Variants in KCNIP1 observed in about 807,000 individuals in gnomAD.
KCNIP1 encodes the protein potassium voltage-gated channel interacting protein 1.
In KCNIP1, 18 loss-of-function variants were observed where a neutral mutation model predicts 33.0. The ratio of observed to expected loss-of-function variants is 0.55; its 90% CI spans 0.38 to 0.81. The LOEUF (loss-of-function observed/expected upper bound fraction) is 0.81, where lower values mean the gene tolerates loss of function less well. Among genes scored for constraint, KCNIP1 ranks in the 30% least tolerant of loss-of-function variants. The probability of loss-of-function intolerance (pLI) is 0.00; values close to 1 mark genes in which losing one functional copy is unlikely to be tolerated. For synonymous variants in KCNIP1, 93 were observed against 98.3 expected, an observed-to-expected ratio of 0.95 and a Z score of 0.32; for missense variants, 238 against 271.6, an observed-to-expected ratio of 0.88 and a Z score of 0.87.
At chr5:170,444,956 A>G (rs1282987151) in intron 1 of KCNIP1, among the ~76,000 whole-genome samples, 2 of 152,236 alleles carry the variant, frequency 1.3e-5, no homozygotes, top group African/African-American at 2.4e-5. Context: ...ACTAATCCTC[A>G]GTCCACACAA....
intron 1 of KCNIP1, among the ~76,000 whole-genome samples, chr5:170,421,584 G>A (rs763213979): frequency 2.6e-5 from 4 of 152,160 alleles, no homozygotes; most frequent in Admixed American, 6.5e-5. Context: ...CCGAGGGGTA[G>A]GGACAAGGCA....
chr5:170,469,815 G>A lies in KCNIP1; in HGVS notation c.88+115851G>A, dbSNP rs116466309. Among the ~76,000 whole-genome samples, 736 of 152,206 alleles carry A rather than the reference G, an allele frequency of 4.8e-3. 7 individuals carry two copies. Among genetic ancestry groups the A allele is most frequent in the African/African-American group, 0.016 (679 of 41,532 alleles). On this transcript the variant is annotated intron_variant, in intron 1 of 7. Coordinates refer to the KCNIP1 transcript ENST00000377360. The stretch of plus-strand genomic sequence containing the variant: ...CTTCCATTGATCTCTCTGTCCTTGG[G>A]TGCAAGTTTTCTGATGACCTGACTT...
intron 1 of KCNIP1, among the ~76,000 whole-genome samples, chr5:170,644,570 AG>A (rs1760711720): frequency 6.6e-6 from 1 of 152,232 alleles, no homozygotes; most frequent in Non-Finnish European, 1.5e-5. Context: ...AGTAAGCTCA[AG>A]ACAAAAATGA....
At chr5:170,421,166 A>C (rs971315651) in intron 1 of KCNIP1, among the ~76,000 whole-genome samples, 8 of 152,216 alleles carry the variant, frequency 5.3e-5, no homozygotes, top group African/African-American at 1.9e-4. Flanking sequence ...ATGTACAGCC[A>C]TGGAGCAAAC....
intron 1 of KCNIP1, among the ~76,000 whole-genome samples, chr5:170,433,028 C>T (rs11948716): frequency 0.032 from 4,805 of 152,168 alleles, 213 homozygotes; most frequent in African/African-American, 0.098. Flanking sequence ...TAGGAGGAGA[C>T]TGGGCAGGAG....
At chr5:170,646,886 T>A (rs1760806926) in intron 1 of KCNIP1, among the ~76,000 whole-genome samples, 1 of 152,174 alleles carries the variant, frequency 6.6e-6, no homozygotes, top group African/African-American at 2.4e-5. Context: ...TAATAAGCTA[T>A]TATACTGAGG....
At chr5:170,619,182 C>G (rs1759512205) in intron 1 of KCNIP1, among the ~76,000 whole-genome samples, 1 of 152,196 alleles carries the variant, frequency 6.6e-6, no homozygotes, top group South Asian at 2.1e-4. Flanking sequence ...TAACTTTTCC[C>G]TCATCCTTCA....
At position 170,412,749 on chromosome 5, in the gene KCNIP1, C is replaced by T. The variant is rs1755228628; in HGVS notation, c.88+58785C>T. On this transcript the variant is annotated intron_variant, in intron 1 of 7. Transcript: ENST00000377360. ...TGCCTCTCACCTCAGGGCCTCTGCA[C>T]CAGATGTTCCCTCTGCCTGAAATGC... 1.3e-5 allele frequency among the ~76,000 whole-genome samples: 2 copies of T among 152,134 alleles called. 1 individual carries two copies. Among genetic ancestry groups the T allele is most frequent in the South Asian group, 4.1e-4 (2 of 4,828 alleles).
chr5:170,500,451 C>T (rs767929371), upstream of KCNIP1, among the ~76,000 whole-genome samples: 2 of 152,274 alleles, frequency 1.3e-5, no homozygotes, highest in Middle Eastern at 6.8e-3. Context: ...GGCAAGGTCG[C>T]TGTATTGAGT....
chr5:170,667,243 C>T (rs1761738404), intron 1 of KCNIP1, among the ~76,000 whole-genome samples: 1 of 149,042 alleles, frequency 6.7e-6, no homozygotes, highest in Admixed American at 6.7e-5. Context: ...ACCTGGGAGG[C>T]AGAAGTTGCA....
At chr5:170,467,917 C>CAAACA (rs1756642259) in intron 1 of KCNIP1, among the ~76,000 whole-genome samples, 1 of 41,952 alleles carries the variant, frequency 2.4e-5, no homozygotes, top group Non-Finnish European at 5.0e-5. Flanking sequence ...GATTCCATCT[C>CAAACA]AAAAAAAAAA....
chr5:170,536,845 G>C (rs1756003659), intron 1 of KCNIP1, among the ~76,000 whole-genome samples: 1 of 152,206 alleles, frequency 6.6e-6, no homozygotes, highest in Non-Finnish European at 1.5e-5. Flanking sequence ...GCGGCTGAAA[G>C]TGGGGGAGGG....
intron 1 of KCNIP1, among the ~76,000 whole-genome samples, chr5:170,584,720 C>T (rs1757923207): frequency 6.6e-6 from 1 of 152,120 alleles, no homozygotes; most frequent in South Asian, 2.1e-4. Flanking sequence ...GACTCTTTTC[C>T]CCAGTGACTC....
chr5:170,364,833 T>C (rs1053182747), intron 1 of KCNIP1, among the ~76,000 whole-genome samples: 23 of 152,250 alleles, frequency 1.5e-4, no homozygotes, highest in Non-Finnish European at 4.4e-5. Flanking sequence ...ACATAGATAA[T>C]GGCCTGATTA....
At chr5:170,436,918 G>A (rs757276139) in intron 1 of KCNIP1, among the ~76,000 whole-genome samples, 15 of 152,192 alleles carry the variant, frequency 9.9e-5, no homozygotes, top group Non-Finnish European at 2.1e-4. Context: ...TAGGTTCATG[G>A]CTGAGGCACC....
chr5:170,699,817 A>G lies in KCNIP1; in HGVS notation c.62-18941A>G, dbSNP rs546780731. On this transcript the variant is annotated intron_variant, in intron 1 of 7. Transcript: ENST00000328939. ...GAGTCTAGGGTCTCAGGCCTATGTC[A>G]CAGGCCCTCGATTGCCATGAGTCAG... Among the ~76,000 whole-genome samples, 37 of 152,240 alleles carry G rather than the reference A, an allele frequency of 2.4e-4. 1 individual carries two copies. The South Asian group carries it at 7.7e-3, about 32-fold the overall frequency.
intron 2 of KCNIP1, 63 bp from the exon 3 acceptor site, chr5:170,720,258 G>A: frequency 1.7e-6 from 2 of 1,197,656 alleles, no homozygotes; most frequent in Non-Finnish European, 2.5e-6. Flanking sequence ...CCAAGGCTGG[G>A]CCCAGTCTTC....
intron 1 of KCNIP1, among the ~76,000 whole-genome samples, chr5:170,562,241 C>G (rs1246277815): frequency 1.3e-5 from 2 of 152,174 alleles, no homozygotes; most frequent in Non-Finnish European, 2.9e-5. Context: ...GACAGAGAGG[C>G]AGAGGGAATA....
chr5:170,402,663 T>C (rs1355937021), intron 1 of KCNIP1, among the ~76,000 whole-genome samples: 1 of 152,138 alleles, frequency 6.6e-6, no homozygotes, highest in East Asian at 1.9e-4. Context: ...TTACATCCCA[T>C]TGGTGAGGAC....
Sources: gnomAD v4.1 joint callset for allele counts (sites outside exome capture counted in the v4.1 genomes callset) on GRCh38, gnomAD v4.1.1 for gene constraint, MANE v1.5 for transcripts, NCBI Gene and HGNC (gene_info 2026-07-23, HGNC 2026-07-21) for gene names.